Variants in NWD1 observed in about 807,000 individuals in gnomAD.
The protein encoded by NWD1 is NACHT domain- and WD repeat-containing protein 1.
Under a neutral mutation model 135.1 loss-of-function variants are expected in NWD1, and 129 were observed. The observed-to-expected ratio is 0.96, with a 90% CI of 0.83 to 1.11. The LOEUF (loss-of-function observed/expected upper bound fraction) is 1.11. Among genes scored for constraint, NWD1 ranks in the 50% least tolerant of loss-of-function variants. The pLI is 0.00. For synonymous variants in NWD1, 773 were observed against 786.0 expected (o/e 0.98, Z 0.28); for missense variants, 1,740 against 1,851.3 (o/e 0.94, Z 1.10).
chr19:16,736,363 G>A (rs1967819584), intron 3 of NWD1, among the ~76,000 whole-genome samples: 1 of 151,938 alleles, frequency 6.6e-6, no homozygotes, highest in African/African-American at 2.4e-5. Flanking sequence ...CCGAGTAGCT[G>A]GGACTACAGG....
intron 18 of NWD1, among the ~76,000 whole-genome samples, chr19:16,810,764 C>T (rs983301561): frequency 4.6e-5 from 7 of 152,100 alleles, no homozygotes; most frequent in African/African-American, 7.2e-5. Flanking sequence ...TTCTGTCTCT[C>T]GAGCAAAACT....
chr19:16,739,355 A>AAAAAAAT (rs1491391537), intron 4 of NWD1, among the ~76,000 whole-genome samples: 1 of 130,488 alleles, frequency 7.7e-6, no homozygotes, highest in African/African-American at 2.9e-5. Flanking sequence ...AAAAAAAAAA[A>AAAAAAAT]TTATTTTTTT....
intron 6 of NWD1, among the ~76,000 whole-genome samples, chr19:16,757,777 G>A (rs866973937): frequency 2.6e-5 from 4 of 152,200 alleles, no homozygotes; most frequent in Admixed American, 6.5e-5. Flanking sequence ...TTGCAGGCCA[G>A]GTGCAGTGGC....
At chr19:16,781,944 A>T (rs968888149) in intron 12 of NWD1, among the ~76,000 whole-genome samples, 3 of 151,538 alleles carry the variant, frequency 2.0e-5, no homozygotes, top group Non-Finnish European at 2.9e-5. Flanking sequence ...TACAAAAAAA[A>T]TTAGCTGGGC....
At chr19:16,754,972 T>C (rs963399240) in intron 6 of NWD1, among the ~76,000 whole-genome samples, 6 of 152,208 alleles carry the variant, frequency 3.9e-5, no homozygotes, top group African/African-American at 1.4e-4. Flanking sequence ...ATAGTCTCAA[T>C]CTATCTCTAT....
In NWD1 at chr19:16,730,138, A is replaced by G. The variant is rs189825885; in HGVS notation, c.-6-1054A>G. On this transcript the variant is annotated intron_variant, in intron 2 of 18. Coordinates refer to ENST00000524140, the MANE Select transcript of NWD1 (RefSeq NM_001007525.5). ...GGAGATTGAAACCATCCTGGCCAAC[A>G]TGATGAAACCCCATCTCTACTAAAA... Among the ~76,000 whole-genome samples, 574 of 151,902 alleles carry G rather than the reference A, an allele frequency of 3.8e-3. 3 individuals carry two copies. The highest frequency in any genetic ancestry group is 0.013 in the African/African-American group (545 of 41,420).
At chr19:16,723,154 C>T (rs1967199647) in intron 1 of NWD1, among the ~76,000 whole-genome samples, 1 of 152,064 alleles carries the variant, frequency 6.6e-6, no homozygotes, top group South Asian at 2.1e-4. Flanking sequence ...CCATCTCAGC[C>T]TCCCAAGTAG....
At chr19:16,740,474 T>A (rs527670769) in intron 4 of NWD1, among the ~76,000 whole-genome samples, 1 of 151,970 alleles carries the variant, frequency 6.6e-6, no homozygotes, top group Non-Finnish European at 1.5e-5. Flanking sequence ...TAGCTGGGAT[T>A]ACAGGTGCCC....
At chr19:16,743,973 G>A (rs558472896) in intron 4 of NWD1, among the ~76,000 whole-genome samples, 4 of 151,948 alleles carry the variant, frequency 2.6e-5, no homozygotes, top group East Asian at 3.9e-4. Context: ...GTGAGCCACC[G>A]CGCCTGGCCG....
At chr19:16,807,548 T>A in intron 17 of NWD1, 38 bp from the exon 18 acceptor site, 1 of 1,477,852 alleles carries the variant, frequency 6.8e-7, no homozygotes, top group Non-Finnish European at 9.1e-7. Flanking sequence ...TGTGATTCAC[T>A]CTCAGTGTAA....
At chr19:16,796,783 C>G (rs1177993846) in intron 15 of NWD1, among the ~76,000 whole-genome samples, 1 of 152,144 alleles carries the variant, frequency 6.6e-6, no homozygotes, top group Non-Finnish European at 1.5e-5. Flanking sequence ...GTGTGCCCAG[C>G]TTTGTGCTAG....
chr19:16,744,200 G>A (rs1968204350), intron 4 of NWD1, among the ~76,000 whole-genome samples: 1 of 152,064 alleles, frequency 6.6e-6, no homozygotes, highest in African/African-American at 2.4e-5. Context: ...ACCAGCCCGG[G>A]TAATGTAGTG....
chr19:16,778,506 T>TGTTG (rs1002196658), intron 11 of NWD1, among the ~76,000 whole-genome samples: 5 of 140,648 alleles, frequency 3.6e-5, no homozygotes, highest in Non-Finnish European at 6.1e-5. Context: ...TTTTTTTTTT[T>TGTTG]TTGTTGTTGT....
chr19:16,795,998 T>A (rs1970405441), intron 15 of NWD1, among the ~76,000 whole-genome samples: 1 of 152,094 alleles, frequency 6.6e-6, no homozygotes, highest in African/African-American at 2.4e-5. Flanking sequence ...CAGAGAATTT[T>A]ATTGAGCAAC....
rs143203258 is a variant in NWD1 at position 16,769,053 on chromosome 19, C to T, written c.2410+3861C>T. Among the ~76,000 whole-genome samples, 9 of 152,262 alleles carry T rather than the reference C, an allele frequency of 5.9e-5. No individual in the cohort carries two copies. The East Asian group carries it at 7.7e-4, about 13-fold the overall frequency. ...TCAGAAGAATCTTGAAAGCCCAAAA[C>T]GGCCGGGGTGGCTCAAGCCTGTTAT... On this transcript the variant is annotated intron_variant, in intron 10 of 18. Coordinates refer to ENST00000524140, the MANE Select transcript of NWD1 (RefSeq NM_001007525.5).
chr19:16,751,084 C>T (rs959734223), intron 6 of NWD1, among the ~76,000 whole-genome samples: 4 of 151,856 alleles, frequency 2.6e-5, no homozygotes, highest in South Asian at 2.1e-4. Flanking sequence ...ATTAGCCAGG[C>T]GTGGTGGTGC....
chr19:16,765,615 G>A (rs907571690), intron 10 of NWD1, among the ~76,000 whole-genome samples: 8 of 152,140 alleles, frequency 5.3e-5, no homozygotes, highest in African/African-American at 1.9e-4. Flanking sequence ...ATTATAGATA[G>A]ACATGAGCCA....
intron 6 of NWD1, among the ~76,000 whole-genome samples, chr19:16,753,306 G>A (rs1370111748): frequency 6.6e-6 from 1 of 152,172 alleles, no homozygotes; most frequent in African/African-American, 2.4e-5. Flanking sequence ...AGTACAGGGA[G>A]ACAGAAATCA....
intron 5 of NWD1, chr19:16,744,937 G>A (rs1278452413): frequency 2.2e-5 from 14 of 649,776 alleles, no homozygotes; most frequent in Non-Finnish European, 3.9e-5. Flanking sequence ...TCCTCTCCTC[G>A]CTGGCTCTTT....
Sources: gnomAD v4.1 joint callset for allele counts (sites outside exome capture counted in the v4.1 genomes callset) on GRCh38, gnomAD v4.1.1 for gene constraint, MANE v1.5 for transcripts, NCBI Gene and HGNC (gene_info 2026-07-23, HGNC 2026-07-21) for gene names.